CEP295: variants seen among roughly 807,000 people sequenced by gnomAD.
The protein encoded by CEP295 is centrosomal protein of 295 kDa.
A neutral mutation model predicts 291.6 loss-of-function variants in CEP295; 190 were observed. The observed-to-expected ratio is 0.65, with a 90% CI of 0.58 to 0.73. The LOEUF is 0.73. CEP295 is among the 30% of genes least tolerant of loss of function. The pLI, the probability that CEP295 is intolerant of heterozygous loss-of-function variation, is 0.00. For synonymous variants in CEP295, 993 were observed against 1,038.8 expected, an observed-to-expected ratio of 0.96 and a Z score of 0.85; for missense variants, 2,863 against 2,949.4, an observed-to-expected ratio of 0.97 and a Z score of 0.68.
At chr11:93,688,819 A>G (rs1237786081) in intron 10 of CEP295, among the ~76,000 whole-genome samples, 1 of 151,928 alleles carries the variant, frequency 6.6e-6, no homozygotes, top group Non-Finnish European at 1.5e-5. Context: ...TACTTATTTA[A>G]CTGTTTCCTT....
intron 15 of CEP295, among the ~76,000 whole-genome samples, chr11:93,702,250 C>A (rs534188036): frequency 1.3e-5 from 2 of 152,116 alleles, no homozygotes; most frequent in Admixed American, 6.5e-5. Context: ...TGAGCCACCG[C>A]GCCTGGCCGA....
In CEP295 at chr11:93,728,716, A is replaced by G. The variant is rs1418912927; in HGVS notation, c.7197A>G (p.Pro2399=). Reference sequence around the variant, plus strand: ...CTGGCCATGGTATAATGGAAGAACCAGAACTTACTTTAATAAGCACCACTG... The same window carrying G: ...CTGGCCATGGTATAATGGAAGAACCGGAACTTACTTTAATAAGCACCACTG... The part of the protein sequence containing the change: ...TETGHGIMEE[P]ELTLISTTDT... Residue 2399 remains proline, a synonymous_variant, in exon 25 of 30, where the codon CCA becomes CCG. Coordinates refer to ENST00000325212, the MANE Select transcript of CEP295 (RefSeq NM_033395.2). 6.5e-7 allele frequency: 1 copy of G among 1,549,392 alleles called. No homozygotes were observed. The highest frequency in any genetic ancestry group is 8.7e-7 in the Non-Finnish European group (1 of 1,146,360).
In CEP295 at chr11:93,698,372, C is replaced by G. The variant is rs1951958535; in HGVS notation, c.3460C>G (p.Gln1154Glu). The change falls in exon 15 of 30, where the codon CAG becomes GAG. Residue 1154 changes from glutamine (Q) to glutamate (E), a missense_variant. Coordinates refer to ENST00000325212, the MANE Select transcript of CEP295 (RefSeq NM_033395.2). ...TFQDKSLSFPQHSLAQQENLT... is the reference protein window; with the variant it reads ...TFQDKSLSFPEHSLAQQENLT... The stretch of plus-strand genomic sequence containing the variant: ...TCAGGATAAGTCTCTTAGTTTTCCA[C>G]AGCATAGCCTGGCACAGCAAGAAAA... 5.2e-6 allele frequency: 8 copies of G among 1,552,056 alleles called. No individual in the cohort carries two copies. The highest frequency in any genetic ancestry group is 7.0e-6 in the Non-Finnish European group (8 of 1,147,088).
intron 12 of CEP295, among the ~76,000 whole-genome samples, chr11:93,694,940 C>T: frequency 6.6e-6 from 1 of 152,130 alleles, no homozygotes. Context: ...GTTCATATTA[C>T]TTAGAGTGTG....
intron 9 of CEP295, among the ~76,000 whole-genome samples, chr11:93,685,297 C>A (rs968910541): frequency 6.6e-6 from 1 of 152,212 alleles, no homozygotes; most frequent in African/African-American, 2.4e-5. Flanking sequence ...TTTTGGGATT[C>A]CAACTTTATG....
chr11:93,665,686 C>T (rs896010088), intron 1 of CEP295, among the ~76,000 whole-genome samples: 2 of 151,992 alleles, frequency 1.3e-5, no homozygotes, highest in African/African-American at 4.8e-5. Context: ...CCAACCTGGG[C>T]GACAGAACGA....
At chr11:93,706,277 C>T (rs570952039) in intron 17 of CEP295, among the ~76,000 whole-genome samples, 2 of 152,242 alleles carry the variant, frequency 1.3e-5, no homozygotes, top group South Asian at 4.1e-4. Flanking sequence ...CAAAATATAA[C>T]CTTCAAAGAG....
intron 7 of CEP295, among the ~76,000 whole-genome samples, chr11:93,683,078 A>G (rs966391918): frequency 2.6e-5 from 4 of 152,198 alleles, no homozygotes; most frequent in African/African-American, 9.6e-5. Context: ...GGAAATTCAT[A>G]AGAGTGTGAG....
chr11:93,700,272 A>T, intron 15 of CEP295, 86 bp downstream of exon 15: 1 of 1,219,956 alleles, frequency 8.2e-7, no homozygotes, highest in Middle Eastern at 2.3e-4. Context: ...GTTTTCAGTT[A>T]TTGAGAAAAA....
chr11:93,708,016 AAC>A (rs888920171), intron 18 of CEP295, among the ~76,000 whole-genome samples: 10 of 152,184 alleles, frequency 6.6e-5, no homozygotes, highest in African/African-American at 1.7e-4. Context: ...TTTAAAATAA[AAC>A]AGATTATTCT....
In CEP295 at chr11:93,719,230, TG is replaced by T. The variant is rs368325753; in HGVS notation, c.5750-2081del. ...TAGATGTGTACGTGTGTGTGTGGGT[TG>T]TTTTTTTTTTCCGGGTTTTTTTTTT... On this transcript the variant is annotated intron_variant, in intron 18 of 29. Transcript: ENST00000325212. 3.4e-3 allele frequency among the ~76,000 whole-genome samples: 510 copies of T among 149,894 alleles called. 4 individuals are homozygous for T. The highest frequency in any genetic ancestry group is 0.012 in the African/African-American group (490 of 40,650).
chr11:93,725,628 C>G (rs779372590), intron 22 of CEP295, 23 bp from the exon 23 acceptor site: 33 of 1,525,574 alleles, frequency 2.2e-5, no homozygotes, highest in Non-Finnish European at 2.6e-5. Context: ...GTATTTCAGC[C>G]TTTCCCTTTT....
chr11:93,679,659 A>T lies in CEP295; in HGVS notation c.765+107A>T, dbSNP rs1950866684. 9.1e-6 allele frequency: 8 copies of T among 874,930 alleles called. No individual in the cohort carries two copies. In the East Asian group the frequency reaches 2.3e-4, roughly 26 times the overall value. The allele number at this position is 874,930 out of a possible 1,614,324, so 54.2% of individuals were successfully genotyped here. The stretch of plus-strand genomic sequence containing the variant: ...GAAAGGTAGGAAGGGTGGGTGTTCA[A>T]TATAGTCTCTGATTCATATGATTTC... On this transcript the variant is annotated intron_variant, in intron 7 of 29. Coordinates refer to ENST00000325212, the MANE Select transcript of CEP295 (RefSeq NM_033395.2).
Position 93,669,789 on chromosome 11 carries a change from A to G in CEP295, c.528+19A>G, listed in dbSNP as rs1214284027. On this transcript the variant is annotated intron_variant, in intron 5 of 29. Coordinates refer to ENST00000325212, the MANE Select transcript of CEP295 (RefSeq NM_033395.2). ...TTTTGAGGTGAGTTTGAGTATTAAG[A>G]GGAACTAGGTCATAATTCTTCTTTA... The G allele has an allele frequency of 6.9e-7, 1 of 1,456,146 alleles. No individual in the cohort carries two copies. Among genetic ancestry groups the G allele is most frequent in the East Asian group, 2.5e-5 (1 of 40,340 alleles). The allele number at this position is 1,456,146 out of a possible 1,614,324, so 90.2% of individuals were successfully genotyped here.
chr11:93,704,684 A>G (rs948106683), intron 17 of CEP295, among the ~76,000 whole-genome samples: 3 of 152,144 alleles, frequency 2.0e-5, no homozygotes, highest in Admixed American at 2.0e-4. Flanking sequence ...TGGTAAACTT[A>G]TTCAGATTTC....
At chr11:93,710,113 C>CT (rs1952800966) in intron 18 of CEP295, among the ~76,000 whole-genome samples, 1 of 152,100 alleles carries the variant, frequency 6.6e-6, no homozygotes, top group Admixed American at 6.6e-5. Flanking sequence ...CTTGGATGCT[C>CT]TTTATTTCCT....
At position 93,712,209 on chromosome 11, in the gene CEP295, C is replaced by CT. The variant is rs201288561; in HGVS notation, c.5749+5322dup. 3.3e-3 allele frequency among the ~76,000 whole-genome samples: 481 copies of CT among 147,764 alleles called. 7 individuals are homozygous for CT. In the East Asian group the frequency reaches 0.052, roughly 16 times the overall value. On this transcript the variant is annotated intron_variant, in intron 18 of 29. Transcript: ENST00000325212. ...CCCCTTATCATTATATAATGACCTG[C>CT]TTTTTTTTTTCCTATGGTTTTTGTC...
At position 93,721,342 on chromosome 11, in the gene CEP295, A is replaced by G; in HGVS notation, c.5780A>G (p.His1927Arg). The change falls in exon 19 of 30, where the codon CAT becomes CGT. Residue 1927 changes from histidine to arginine, a missense_variant. His to Arg is a conservative substitution (Grantham distance 29). Around this residue, in one of 3 missense-constraint regions of CEP295, gnomAD observed 2,295 missense variants for 2,335.7 expected, o/e 0.98. Coordinates refer to ENST00000325212, the MANE Select transcript of CEP295 (RefSeq NM_033395.2). ...CTGAAGGAATCTGTTGTTGAAAATC[A>G]TGCAGTGTTAAGTTATGCTGTGGAG... Reference protein sequence around the residue: ...VKLKESVVENHAVLSYAVEEE... With the variant: ...VKLKESVVENRAVLSYAVEEE... 1 of 1,555,950 alleles carries G rather than the reference A, an allele frequency of 6.4e-7. No individual in the cohort carries two copies. Among genetic ancestry groups the G allele is most frequent in the South Asian group, 1.2e-5 (1 of 85,224 alleles).
At position 93,699,534 on chromosome 11, in the gene CEP295, TATC is replaced by T; in HGVS notation, c.4626_4628del (p.Ser1543del). On this transcript the variant is annotated inframe_deletion, in exon 15 of 30. Transcript: ENST00000325212. Reference sequence around the variant, plus strand: ...AGATTAAGTGAATTGGAGAAAAGGGTATCATCTGAACAAGTTTGCTCCTCTTCA... The same window carrying T: ...AGATTAAGTGAATTGGAGAAAAGGGTATCTGAACAAGTTTGCTCCTCTTCA... 1 of 1,551,810 alleles carries T rather than the reference TATC, an allele frequency of 6.4e-7. No homozygotes were observed. Among genetic ancestry groups the T allele is most frequent in the Non-Finnish European group, 8.7e-7 (1 of 1,147,060 alleles).
Sources: gnomAD v4.1 joint callset for allele counts (sites outside exome capture counted in the v4.1 genomes callset) on GRCh38, gnomAD v4.1.1 for gene constraint, gnomAD v4.1.1 regional missense constraint, MANE v1.5 for transcripts, NCBI Gene and HGNC (gene_info 2026-07-23, HGNC 2026-07-21) for gene names.